Variants in CACNG6 observed in about 807,000 individuals in gnomAD.
CACNG6 encodes the protein calcium voltage-gated channel auxiliary subunit gamma 6.
A neutral mutation model predicts 23.9 loss-of-function variants in CACNG6; 21 were observed. The ratio of observed to expected loss-of-function variants is 0.88; its 90% CI spans 0.62 to 1.26. The LOEUF is 1.26. Ranked by LOEUF, CACNG6 falls within the 50% of genes most tolerant of loss-of-function variation. CACNG6 has a pLI of 0.00. For missense variants in CACNG6, 340 were observed against 352.9 expected, an observed-to-expected ratio of 0.96 and a Z score of 0.29; for synonymous variants, 182 against 168.9, an observed-to-expected ratio of 1.08 and a Z score of -0.60.
chr19:54,004,527 T>C (rs2069617964), intron 3 of CACNG6, among the ~76,000 whole-genome samples: 1 of 152,140 alleles, frequency 6.6e-6, no homozygotes, highest in Non-Finnish European at 1.5e-5. Context: ...CCCTAAGTGA[T>C]ACTTTTATAT....
At chr19:54,011,888 G>A (rs1239944004) in intron 3 of CACNG6, 63 bp from the exon 4 acceptor site, 5 of 1,215,214 alleles carry the variant, frequency 4.1e-6, no homozygotes, top group Non-Finnish European at 5.5e-6. Flanking sequence ...AGCGGATGGC[G>A]GAGATGTTCA....
intron 3 of CACNG6, among the ~76,000 whole-genome samples, chr19:54,002,190 T>G (rs2069582572): frequency 6.6e-6 from 1 of 151,770 alleles, no homozygotes; most frequent in Non-Finnish European, 1.5e-5. Flanking sequence ...AAGGCTCAAG[T>G]GATTGTCCTC....
At chr19:54,007,143 G>A (rs138009231) in intron 3 of CACNG6, among the ~76,000 whole-genome samples, 4 of 152,076 alleles carry the variant, frequency 2.6e-5, no homozygotes, top group East Asian at 1.9e-4. Context: ...CTGCCTGCAG[G>A]ATTCAAGCGA....
chr19:54,011,205 A>ATATATAT lies in CACNG6; in HGVS notation c.545-746_545-745insTATATAT, dbSNP rs1555819786. Among the ~76,000 whole-genome samples the ATATATAT allele has an allele frequency of 1.2e-3, 121 of 102,440 alleles. 1 individual carries two copies. The highest frequency in any genetic ancestry group is 1.6e-3 in the Non-Finnish European group (92 of 57,230). 67.2% of individuals were successfully genotyped at this position (102,440 alleles called of 152,430 possible). On this transcript the variant is annotated intron_variant, in intron 3 of 3. Coordinates refer to ENST00000252729, the MANE Select transcript of CACNG6 (RefSeq NM_145814.2). Reference sequence around the variant, plus strand: ...CCGTCTCTACTAAAAAAAAAAAAAAAATATATATATATATATATATATACA... The same window carrying ATATATAT: ...CCGTCTCTACTAAAAAAAAAAAAAAATATATATATATATATATATATATATATATACA...
At chr19:54,008,000 A>G (rs567665707) in intron 3 of CACNG6, among the ~76,000 whole-genome samples, 41 of 152,120 alleles carry the variant, frequency 2.7e-4, no homozygotes, top group Non-Finnish European at 3.2e-4. Flanking sequence ...GTTGGGCTGC[A>G]TGGAGCAAAG....
In CACNG6 at chr19:53,993,463, C is replaced by T. The variant is rs79091918; in HGVS notation, c.331+255C>T. 4.9e-4 allele frequency among the ~76,000 whole-genome samples: 74 copies of T among 152,196 alleles called. 1 individual carries two copies. In the East Asian group the frequency reaches 0.014, roughly 29 times the overall value. ...GAACCTGTGCCTTAGAGCTTGCTTT[C>T]CTGCTACAGACTGTACCCCAAGACC... On this transcript the variant is annotated intron_variant, in intron 1 of 3. Coordinates refer to ENST00000252729, the MANE Select transcript of CACNG6 (RefSeq NM_145814.2).
Position 54,012,370 on chromosome 19 carries a change from T to A in CACNG6, c.*181T>A. On this transcript the variant is annotated 3_prime_UTR_variant, in exon 4 of 4. Transcript: ENST00000252729. The stretch of plus-strand genomic sequence containing the variant: ...TTCTCCCTCTGTAAATACGTTTTTC[T>A]CTGTGGCTGTATGTGGGTTGCTTGG... 2.4e-6 allele frequency: 1 copy of A among 418,200 alleles called. No individual in the cohort carries two copies. The highest frequency in any genetic ancestry group is 4.2e-6 in the Non-Finnish European group (1 of 235,912). 25.9% of individuals were successfully genotyped at this position (418,200 alleles called of 1,614,324 possible). A position where few individuals can be genotyped will look rare whatever the true frequency, so the allele number is the denominator to read the frequency against.
chr19:53,992,743 G>A lies in CACNG6; in HGVS notation c.-135G>A. ...CATTTGAGATTCCAGACAGGACTCG[G>A]CTCTCCCTCTTTCATACCCAGGGGA... On this transcript the variant is annotated 5_prime_UTR_variant, in exon 1 of 4. Transcript: ENST00000252729. This position sits in a 1 kb window ranked among gnomAD's most constrained non-coding sequence, Gnocchi z 4.1. 2 of 493,458 alleles carry A rather than the reference G, an allele frequency of 4.1e-6. No individual in the cohort carries two copies. Among genetic ancestry groups the A allele is most frequent in the Non-Finnish European group, 6.7e-6 (2 of 296,588 alleles). 30.6% of individuals were successfully genotyped at this position (493,458 alleles called of 1,614,324 possible).
rs531888480 is a variant in CACNG6, at chr19:53,991,754, G to A, written c.-1124G>A. On this transcript the variant is annotated 5_prime_UTR_variant, in exon 1 of 4. Coordinates refer to ENST00000252729, the MANE Select transcript of CACNG6 (RefSeq NM_145814.2). ...CCCTGCTCGGGAGTCGGGGGTGGGAGCCCCGAGGGGGGGCCCTGGCCTGGG... is the reference window on the plus strand; with the variant it reads ...CCCTGCTCGGGAGTCGGGGGTGGGAACCCCGAGGGGGGGCCCTGGCCTGGG... 3.8e-4 allele frequency among the ~76,000 whole-genome samples: 58 copies of A among 152,174 alleles called. No individual in the cohort carries two copies. Among genetic ancestry groups the A allele is most frequent in the Middle Eastern group, 3.4e-3 (1 of 292 alleles).
At chr19:54,004,353 G>A (rs1045027143) in intron 3 of CACNG6, among the ~76,000 whole-genome samples, 2 of 120,298 alleles carry the variant, frequency 1.7e-5, no homozygotes, top group African/African-American at 9.4e-5. Context: ...GTGTGTGTGT[G>A]TGTGTGTGTG....
chr19:53,994,454 C>T (rs1051268044), intron 1 of CACNG6, among the ~76,000 whole-genome samples: 10 of 152,126 alleles, frequency 6.6e-5, no homozygotes, highest in Middle Eastern at 3.2e-3. Flanking sequence ...TGACACGCCA[C>T]GCCACGGCTT....
intron 1 of CACNG6, among the ~76,000 whole-genome samples, chr19:53,995,536 G>A (rs1021164696): frequency 1.3e-5 from 2 of 152,170 alleles, no homozygotes; most frequent in African/African-American, 4.8e-5. Flanking sequence ...AGCCAAAAGA[G>A]GATGCCAGGC....
At chr19:53,993,934 C>T (rs556583513) in intron 1 of CACNG6, among the ~76,000 whole-genome samples, 1 of 152,104 alleles carries the variant, frequency 6.6e-6, no homozygotes, top group South Asian at 2.1e-4. Flanking sequence ...AAAATCTTGC[C>T]TGTGTCCCCA....
intron 3 of CACNG6, among the ~76,000 whole-genome samples, chr19:54,011,223 T>TACAC (rs1156440499): frequency 2.8e-5 from 3 of 108,664 alleles, no homozygotes; most frequent in East Asian, 2.9e-4. Flanking sequence ...TATATATATA[T>TACAC]ATATACACAC....
At position 54,003,003 on chromosome 19, in the gene CACNG6, A is replaced by G. The variant is rs77680466; in HGVS notation, c.544+3232A>G. Among the ~76,000 whole-genome samples the G allele has an allele frequency of 9.3e-3, 1,418 of 152,352 alleles. 12 individuals carry two copies. The highest frequency in any genetic ancestry group is 0.013 in the Non-Finnish European group (912 of 68,036). Reference sequence around the variant, plus strand: ...GACAGAAATGAGATAAAGAGACATTAGTCATACAAATCAATATACATTCAT... The same window carrying G: ...GACAGAAATGAGATAAAGAGACATTGGTCATACAAATCAATATACATTCAT... On this transcript the variant is annotated intron_variant, in intron 3 of 3. Transcript: ENST00000252729.
In CACNG6 at chr19:53,994,249, G is replaced by A. The variant is rs941414625; in HGVS notation, c.331+1041G>A. On this transcript the variant is annotated intron_variant, in intron 1 of 3. Transcript: ENST00000252729. ...CCACCAAACCAAGCTCTCACCAGAC[G>A]CCTCCCAACACCCGAGGGCAGACCT... Among the ~76,000 whole-genome samples the A allele has an allele frequency of 2.6e-5, 4 of 152,050 alleles. No individual in the cohort carries two copies. The East Asian group carries it at 5.8e-4, about 22-fold the overall frequency.
chr19:53,998,384 A>G, intron 2 of CACNG6, 71 bp downstream of exon 2: 1 of 1,372,054 alleles, frequency 7.3e-7, no homozygotes, highest in Non-Finnish European at 1.0e-6. Flanking sequence ...AGTTCTAGAG[A>G]GAGTTATCCC....
chr19:54,003,005 T>G (rs932481317), intron 3 of CACNG6, among the ~76,000 whole-genome samples: 1 of 152,166 alleles, frequency 6.6e-6, no homozygotes, highest in Non-Finnish European at 1.5e-5. Context: ...GAGACATTAG[T>G]CATACAAATC....
At chr19:54,009,682 G>T (rs1447792060) in intron 3 of CACNG6, among the ~76,000 whole-genome samples, 1 of 151,622 alleles carries the variant, frequency 6.6e-6, no homozygotes, top group African/African-American at 2.4e-5. Flanking sequence ...TGCAAATTTT[G>T]GTTTATTTGT....
Sources: gnomAD v4.1 joint callset for allele counts (sites outside exome capture counted in the v4.1 genomes callset) on GRCh38, gnomAD v4.1.1 for gene constraint, Gnocchi (gnomAD v3.1) non-coding constraint, MANE v1.5 for transcripts, NCBI Gene and HGNC (gene_info 2026-07-23, HGNC 2026-07-21) for gene names.